ATP13A5: variants seen among roughly 807,000 people sequenced by gnomAD.
ATP13A5 encodes ATPase 13A5, also known as probable cation-transporting ATPase 13A5.
In ATP13A5, 149 loss-of-function variants were observed where a neutral mutation model predicts 150.2. The observed-to-expected ratio is 0.99, with a 90% CI of 0.87 to 1.14. The LOEUF is 1.14. Ranked by LOEUF, ATP13A5 falls within the 50% of genes most tolerant of loss-of-function variation. The probability of loss-of-function intolerance (pLI) is 0.00; values close to 1 mark genes in which losing one functional copy is unlikely to be tolerated. For missense variants in ATP13A5, 1,383 were observed against 1,449.3 expected (o/e 0.95, Z 0.74); for synonymous variants, 497 against 522.2 (o/e 0.95, Z 0.66).
chr3:193,324,890 G>A lies in ATP13A5; in HGVS notation c.1648C>T (p.Leu550Phe). ...CAGGCAGTGCCCTCAAACATTTTGA[G>A]GTCCAGAGGGTCTCCCTGGATGGTC... ...NGTIQGDPLD[L>F]KMFEGTAWKM... The change falls in exon 14 of 30, where the codon CTC (leucine) becomes TTC (phenylalanine). Residue 550 changes from leucine to phenylalanine, a missense_variant. Leu to Phe is a conservative substitution (Grantham distance 22, BLOSUM62 0). Transcript: ENST00000342358. 6.2e-7 allele frequency: 1 copy of A among 1,614,040 alleles called. No individual in the cohort carries two copies. The highest frequency in any genetic ancestry group is 8.5e-7 in the Non-Finnish European group (1 of 1,179,954).
chr3:193,333,820 A>C lies in ATP13A5; in HGVS notation c.1202T>G (p.Phe401Cys), dbSNP rs780788806. The C allele has an allele frequency of 6.2e-7, 1 of 1,613,986 alleles. No homozygotes were observed. The highest frequency in any genetic ancestry group is 1.1e-5 in the South Asian group (1 of 91,080). The change falls in exon 11 of 30, where the codon TTC becomes TGC. Residue 401 changes from phenylalanine (F) to cysteine (C), a missense_variant. Phe to Cys is a radical substitution (Grantham distance 205, BLOSUM62 -2). This residue lies in a region of ATP13A5 where 787 missense variants were observed against 771.9 expected (regional missense o/e 1.02). Coordinates refer to ENST00000342358, the MANE Select transcript of ATP13A5 (RefSeq NM_198505.4). The stretch of plus-strand genomic sequence containing the variant: ...ACCAAGGCAGGCCAGGAACACGATG[A>C]ACTTGAAGGCATCGCTGTATAGTTT... ...NFKLYSDAFK[F>C]IVFLACLGVM...
chr3:193,354,311 T>TA (rs1389934505), intron 5 of ATP13A5, 115 bp from the exon 6 acceptor site: 1 of 905,378 alleles, frequency 1.1e-6, no homozygotes, highest in South Asian at 1.7e-5. Flanking sequence ...TGACTTTGAT[T>TA]AAAAAATAAT....
At chr3:193,281,117 C>T in intron 27 of ATP13A5, 5 of 900,580 alleles carry the variant, frequency 5.6e-6, no homozygotes, top group Non-Finnish European at 6.6e-6. Flanking sequence ...TTGCATCTCT[C>T]AGGATAAAGC....
At chr3:193,304,647 T>C (rs1358728906) in intron 23 of ATP13A5, among the ~76,000 whole-genome samples, 3 of 152,210 alleles carry the variant, frequency 2.0e-5, no homozygotes, top group African/African-American at 7.2e-5. Flanking sequence ...TGTTCTTAAC[T>C]ACATTTAAAA....
At position 193,333,770 on chromosome 3, in the gene ATP13A5, C is replaced by CTAGGGCA; in HGVS notation, c.1245_1251dup (p.Gly418CysfsTer71). 6.2e-7 allele frequency: 1 copy of CTAGGGCA among 1,613,792 alleles called. No individual in the cohort carries two copies. Among genetic ancestry groups the CTAGGGCA allele is most frequent in the Non-Finnish European group, 8.5e-7 (1 of 1,179,790 alleles). On this transcript the variant is annotated frameshift_variant, in exon 11 of 30. Coordinates refer to ENST00000342358, the MANE Select transcript of ATP13A5 (RefSeq NM_198505.4). LOFTEE classifies it high-confidence loss of function. ...CTTACTCCATGGTACATATATACCC[C>CTAGGGCA]TAGGGCATAGAAAAAACCCATGACA...
chr3:193,374,086 C>T (rs774032021), intron 1 of ATP13A5, among the ~76,000 whole-genome samples: 28 of 152,050 alleles, frequency 1.8e-4, no homozygotes, highest in Non-Finnish European at 3.5e-4. Context: ...CCTGTGGTCA[C>T]GGGAGCTGCT....
intron 1 of ATP13A5, among the ~76,000 whole-genome samples, chr3:193,367,636 A>G (rs144371388): frequency 3.3e-5 from 5 of 152,270 alleles, no homozygotes; most frequent in Admixed American, 2.6e-4. Flanking sequence ...CATCACTACC[A>G]AATAATGTTT....
At chr3:193,281,183 T>A in intron 27 of ATP13A5, 1 of 985,396 alleles carries the variant, frequency 1.0e-6, no homozygotes, top group African/African-American at 1.7e-5. Context: ...ATTTTTCATT[T>A]ACTTCATGGA....
At position 193,364,249 on chromosome 3, in the gene ATP13A5, C is replaced by T. The variant is rs200695101; in HGVS notation, c.95G>A (p.Arg32Gln). Residue 32 changes from arginine (R) to glutamine (Q), a missense_variant, in exon 2 of 30, where the codon CGG (arginine) becomes CAG (glutamine). By Grantham distance (43) the Arg-to-Gln change is conservative (BLOSUM62 1). Transcript: ENST00000342358. ...EVFGYRDHNV[R>Q]KAFCLVASVL... ...GGATGCGACAAGGCAGAAGGCTTTC[C>T]GTACATTGTGGTCCCGGTAACCAAA... The T allele has an allele frequency of 2.0e-4, 330 of 1,613,882 alleles. No homozygotes were observed. The highest frequency in any genetic ancestry group is 7.2e-4 in the Admixed American group (43 of 59,996).
intron 27 of ATP13A5, among the ~76,000 whole-genome samples, chr3:193,282,461 G>A (rs1476977205): frequency 1.3e-5 from 2 of 151,494 alleles, no homozygotes; most frequent in African/African-American, 2.4e-5. Context: ...TGCAACCTCC[G>A]CCTCCTGGGT....
intron 27 of ATP13A5, among the ~76,000 whole-genome samples, chr3:193,279,723 C>T (rs1717394701): frequency 6.6e-6 from 1 of 152,114 alleles, no homozygotes. Context: ...TGCACTATCA[C>T]TGCGTGTCCA....
At chr3:193,284,117 C>T (rs1369133062) in intron 27 of ATP13A5, among the ~76,000 whole-genome samples, 1 of 151,462 alleles carries the variant, frequency 6.6e-6, no homozygotes, top group Non-Finnish European at 1.5e-5. Flanking sequence ...ACCTCCCAGG[C>T]TCAAGCAATC....
intron 5 of ATP13A5, among the ~76,000 whole-genome samples, chr3:193,355,961 G>A (rs1712768377): frequency 1.3e-5 from 2 of 152,186 alleles, no homozygotes; most frequent in Non-Finnish European, 2.9e-5. Flanking sequence ...TGGGAGCAGA[G>A]AGGCCTGGAT....
rs115752554 is a variant in ATP13A5 at position 193,321,046 on chromosome 3, C to T, written c.1915+635G>A. 4.2e-3 allele frequency among the ~76,000 whole-genome samples: 644 copies of T among 152,292 alleles called. 3 individuals are homozygous for T. Among genetic ancestry groups the T allele is most frequent in the African/African-American group, 0.015 (619 of 41,564 alleles). ...AGTCATGTCTGCAGAACTTACCTAG[C>T]GTCCAGACCTCTCCATTTCCCTCAT... On this transcript the variant is annotated intron_variant, in intron 16 of 29. Transcript: ENST00000342358.
At chr3:193,314,848 G>T in intron 18 of ATP13A5, 124 bp downstream of exon 18, 1 of 1,279,062 alleles carries the variant, frequency 7.8e-7, no homozygotes, top group Non-Finnish European at 1.1e-6. Flanking sequence ...GGACTACAGG[G>T]TAACAAATTC....
At chr3:193,322,349 G>A (rs557725782) in intron 15 of ATP13A5, 142 bp downstream of exon 15, 42 of 699,082 alleles carry the variant, frequency 6.0e-5, no homozygotes, top group East Asian at 1.2e-4. Flanking sequence ...AGACAAATTC[G>A]GAAATGAAAG....
chr3:193,288,213 A>G (rs1717797841), intron 26 of ATP13A5, among the ~76,000 whole-genome samples: 1 of 152,162 alleles, frequency 6.6e-6, no homozygotes, highest in South Asian at 2.1e-4. Flanking sequence ...TATTATATAA[A>G]CTTACTTGAC....
chr3:193,347,277 GTATTTAATTTTTT>G (rs1712375231), intron 7 of ATP13A5, among the ~76,000 whole-genome samples: 1 of 9,948 alleles, frequency 1.0e-4, no homozygotes, highest in African/African-American at 1.3e-3. Flanking sequence ...TTGAATAACA[GTATTTAATTTTTT>G]TAATTCTCAA....
At chr3:193,300,729 C>T (rs1718365064) in intron 24 of ATP13A5, among the ~76,000 whole-genome samples, 2 of 152,162 alleles carry the variant, frequency 1.3e-5, no homozygotes, top group Non-Finnish European at 2.9e-5. Flanking sequence ...CGATTCTTTA[C>T]TAATGATATC....
Sources: allele counts gnomAD v4.1 joint callset (sites outside exome capture counted in the v4.1 genomes callset), GRCh38; gene constraint gnomAD v4.1.1; regional missense constraint gnomAD v4.1.1; transcripts MANE v1.5; gene names NCBI Gene and HGNC (gene_info 2026-07-23, HGNC 2026-07-21).